Variants in THOC5 observed in about 807,000 individuals in gnomAD.
The protein encoded by THOC5 is Fms-interacting protein.
A neutral mutation model predicts 92.9 loss-of-function variants in THOC5; 43 were observed. The ratio of observed to expected loss-of-function variants is 0.46; its 90% CI spans 0.36 to 0.60. The LOEUF is 0.60. Among genes scored for constraint, THOC5 ranks in the 20% least tolerant of loss-of-function variants. THOC5 has a pLI of 0.00. For synonymous variants in THOC5, 296 were observed against 320.1 expected (o/e 0.92, Z 0.80); for missense variants, 659 against 849.4 (o/e 0.78, Z 2.79).
intron 3 of THOC5, among the ~76,000 whole-genome samples, chr22:29,544,113 T>C (rs1205710789): frequency 2.6e-5 from 4 of 152,210 alleles, no homozygotes; most frequent in Admixed American, 2.6e-4. Context: ...TCATTTTTGG[T>C]ATCTACAATT....
At chr22:29,537,149 C>A (rs1269543501) in intron 6 of THOC5, among the ~76,000 whole-genome samples, 3 of 152,372 alleles carry the variant, frequency 2.0e-5, no homozygotes, top group Middle Eastern at 3.4e-3. Flanking sequence ...AAAACTTTCA[C>A]AAACATGGAC....
intron 14 of THOC5, 57 bp from the exon 15 acceptor site, chr22:29,519,177 C>A: frequency 8.3e-7 from 1 of 1,210,044 alleles, no homozygotes; most frequent in Non-Finnish European, 1.2e-6. Context: ...CCTCCGGGCA[C>A]CATCTCTCTC....
intron 5 of THOC5, among the ~76,000 whole-genome samples, chr22:29,541,860 C>CAAAAAAA (rs1569230675): frequency 1.4e-4 from 3 of 20,994 alleles, no homozygotes; most frequent in Non-Finnish European, 1.1e-4. Context: ...GACTCCATCT[C>CAAAAAAA]CAAAAAAAAA....
chr22:29,548,925 G>A, intron 2 of THOC5, 127 bp downstream of exon 2: 1 of 736,894 alleles, frequency 1.4e-6, no homozygotes, highest in Non-Finnish European at 2.2e-6. Context: ...CCAGTCACCT[G>A]GTCAAGTGGA....
chr22:29,512,155 G>T lies in THOC5; in HGVS notation c.1682-19C>A. On this transcript the variant is annotated intron_variant, in intron 17 of 19. Transcript: ENST00000490103. ...AGTTTGGCTGGGAAGAGAGGAGAGA[G>T]GGGAAATGCGCAGTTCTAAGACTCA... 1 of 1,606,470 alleles carries T rather than the reference G, an allele frequency of 6.2e-7. No individual in the cohort carries two copies. The highest frequency in any genetic ancestry group is 1.1e-5 in the South Asian group (1 of 90,906).
At chr22:29,547,834 A>T (rs187968074) in intron 2 of THOC5, among the ~76,000 whole-genome samples, 235 of 152,144 alleles carry the variant, frequency 1.5e-3, no homozygotes, top group African/African-American at 5.2e-3. Flanking sequence ...CCCCCACTCT[A>T]CTGGTATGAA....
At position 29,532,497 on chromosome 22, in the gene THOC5, T is replaced by C. The variant is rs140026587; in HGVS notation, c.715-534A>G. Among the ~76,000 whole-genome samples, 1,005 of 147,274 alleles carry C rather than the reference T, an allele frequency of 6.8e-3. 7 individuals are homozygous for C. Among genetic ancestry groups the C allele is most frequent in the Middle Eastern group, 0.019 (5 of 258 alleles). On this transcript the variant is annotated intron_variant, in intron 7 of 19. Coordinates refer to ENST00000490103, the MANE Select transcript of THOC5 (RefSeq NM_003678.5). ...TGACGGACACAGAGAACCCCGTCTC[T>C]ACTAAAAAAAATACAAAATTAGCTG...
chr22:29,544,651 C>T (rs750401110), intron 2 of THOC5, 48 bp from the exon 3 acceptor site: 6 of 1,484,386 alleles, frequency 4.0e-6, no homozygotes, highest in Non-Finnish European at 5.4e-6. Flanking sequence ...TAAAAGTCTC[C>T]CTGCTGGGAT....
intron 12 of THOC5, among the ~76,000 whole-genome samples, chr22:29,525,590 A>T (rs766280702): frequency 2.6e-5 from 4 of 152,194 alleles, no homozygotes; most frequent in Non-Finnish European, 5.9e-5. Flanking sequence ...CACCTACTCA[A>T]TTTGCAAATA....
chr22:29,512,566 T>G (rs1445339141), intron 17 of THOC5, among the ~76,000 whole-genome samples: 11 of 152,258 alleles, frequency 7.2e-5, no homozygotes, highest in Admixed American at 7.2e-4. Flanking sequence ...TTTTCTTCAT[T>G]TGATTTTTAC....
In THOC5 at chr22:29,507,701, A is replaced by G. The variant is rs1275744770; in HGVS notation, c.*756T>C. 6.6e-6 allele frequency: 1 copy of G among 152,194 alleles called. No homozygotes were observed. Among genetic ancestry groups the G allele is most frequent in the Non-Finnish European group, 1.5e-5 (1 of 68,042 alleles). 9.4% of individuals were successfully genotyped at this position (152,194 alleles called of 1,614,324 possible). On this transcript the variant is annotated 3_prime_UTR_variant, in exon 20 of 20. Transcript: ENST00000490103. ...TATAACATTTTCTTTTCTCTAGTTT[A>G]CTGTATTGTAAGAATACAGTGTATA...
At position 29,508,487 on chromosome 22, in the gene THOC5, G is replaced by A; in HGVS notation, c.2022C>T (p.Asn674=). Residue 674 remains asparagine (N), a synonymous_variant, in exon 20 of 20, where the codon AAC becomes AAT. Coordinates refer to ENST00000490103, the MANE Select transcript of THOC5 (RefSeq NM_003678.5). ...GATGGCTGAAGAATCCCTGAGGATG[G>A]TTGTATTTAAATGGCTTCATCCTGC... ...GPSRMKPFKY[N]HPQGFFSHR The A allele has an allele frequency of 6.2e-7, 1 of 1,614,192 alleles. No homozygotes were observed.
At position 29,528,144 on chromosome 22, in the gene THOC5, C is replaced by T. The variant is rs777527911; in HGVS notation, c.1000G>A (p.Asp334Asn). 6.2e-7 allele frequency: 1 copy of T among 1,614,162 alleles called. No homozygotes were observed. The highest frequency in any genetic ancestry group is 8.5e-7 in the Non-Finnish European group (1 of 1,180,028). Reference sequence around the variant, plus strand: ...TTCAGCATCTCCTTGCGTTTGTCGTCCAACTGAACCCCCAGTGTGGGTCTC... The same window carrying T: ...TTCAGCATCTCCTTGCGTTTGTCGTTCAACTGAACCCCCAGTGTGGGTCTC... ...RRRPTLGVQL[D>N]DKRKEMLKRH... is the part of the protein sequence containing the mutation. Residue 334 changes from aspartate (D) to asparagine (N), a missense_variant, in exon 11 of 20, where the codon GAC (aspartate) becomes AAC (asparagine). Transcript: ENST00000490103.
chr22:29,531,401 C>A, intron 8 of THOC5: 1 of 985,436 alleles, frequency 1.0e-6, no homozygotes, highest in Non-Finnish European at 1.2e-6. Context: ...TGGAAATTCA[C>A]AACAAAGACA....
At chr22:29,534,450 T>C (rs556691249) in intron 7 of THOC5, 2 of 152,284 alleles carry the variant, frequency 1.3e-5, no homozygotes, top group South Asian at 2.1e-4. Flanking sequence ...TAAAGTAATA[T>C]ATGGTACACT....
At chr22:29,552,774 C>T (rs1253530042) in intron 1 of THOC5, among the ~76,000 whole-genome samples, 2 of 152,124 alleles carry the variant, frequency 1.3e-5, no homozygotes, top group Non-Finnish European at 2.9e-5. Context: ...GCCATGATGA[C>T]GATGGCGGTT....
chr22:29,545,119 T>C (rs769890426), intron 2 of THOC5: 48 of 424,910 alleles, frequency 1.1e-4, no homozygotes, highest in South Asian at 5.6e-4. Context: ...GCACTTCTTA[T>C]GTGGCGGCGG....
chr22:29,521,616 A>ATCACAGGAAAAGGCCCCCTGTATGT (rs1196718029), intron 12 of THOC5, among the ~76,000 whole-genome samples: 1 of 152,188 alleles, frequency 6.6e-6, no homozygotes, highest in East Asian at 1.9e-4. Context: ...TCTTATGCTC[A>ATCACAGGAAAAGGCCCCCTGTATGT]TCACAGGAAA....
intron 8 of THOC5, among the ~76,000 whole-genome samples, chr22:29,529,863 C>T (rs959247722): frequency 3.3e-5 from 5 of 152,196 alleles, no homozygotes; most frequent in Admixed American, 6.5e-5. Context: ...TAGTAGCTGC[C>T]GGGTGCAGTG....
Sources: gnomAD v4.1 joint callset for allele counts (sites outside exome capture counted in the v4.1 genomes callset) on GRCh38, gnomAD v4.1.1 for gene constraint, MANE v1.5 for transcripts, NCBI Gene and HGNC (gene_info 2026-07-23, HGNC 2026-07-21) for gene names.